Variants in NLRP12 observed in about 807,000 individuals in gnomAD.
NLRP12 encodes the protein NLR family pyrin domain containing 12, also known as NACHT, LRR and PYD domains-containing protein 12.
NLRP12 carries 108 observed loss-of-function variants against 91.2 expected under a neutral mutation model. That is an observed-to-expected ratio of 1.18 (90% confidence interval 1.01 to 1.39). The LOEUF is 1.39. NLRP12 is among the 40% of genes most tolerant of loss of function. NLRP12 has a pLI of 0.00. For synonymous variants in NLRP12, 613 were observed against 566.7 expected (o/e 1.08, Z -1.16); for missense variants, 1,530 against 1,352.7 (o/e 1.13, Z -2.06).
chr19:53,815,001 T>C lies in NLRP12; in HGVS notation c.290-13A>G, dbSNP rs1260567098. On this transcript the variant is annotated splice_polypyrimidine_tract_variant and intron_variant, in intron 1 of 9. Transcript: ENST00000324134. ...CCAGGTGGGGTATCTGGAAGAGAAATTGTGGAAGATGAGCTAGCACGCATC... is the reference window on the plus strand; with the variant it reads ...CCAGGTGGGGTATCTGGAAGAGAAACTGTGGAAGATGAGCTAGCACGCATC... 2.4e-5 allele frequency: 38 copies of C among 1,603,066 alleles called. No individual in the cohort carries two copies. Among genetic ancestry groups the C allele is most frequent in the Non-Finnish European group, 3.2e-5 (38 of 1,170,174 alleles).
intron 7 of NLRP12, among the ~76,000 whole-genome samples, chr19:53,799,255 C>T (rs1309067671): frequency 1.3e-5 from 2 of 151,992 alleles, no homozygotes; most frequent in African/African-American, 4.8e-5. Context: ...CGTGATCCAC[C>T]CGCCTCAGCC....
chr19:53,805,976 G>A (rs2091952460), intron 4 of NLRP12, among the ~76,000 whole-genome samples: 1 of 151,568 alleles, frequency 6.6e-6, no homozygotes, highest in Non-Finnish European at 1.5e-5. Context: ...GCTCAAGCCT[G>A]TAATCTCAGC....
intron 2 of NLRP12, among the ~76,000 whole-genome samples, chr19:53,814,238 C>T (rs1349166391): frequency 2.0e-5 from 3 of 152,170 alleles, no homozygotes; most frequent in African/African-American, 7.2e-5. Flanking sequence ...TCATGAGTAA[C>T]CTCGTTCCCC....
At chr19:53,794,219 C>T (rs1429187119) in intron 9 of NLRP12, 83 bp from the exon 10 acceptor site, 10 of 929,816 alleles carry the variant, frequency 1.1e-5, no homozygotes, top group East Asian at 2.4e-5. Flanking sequence ...TGTGCACTAC[C>T]GTGGTAAGAT....
At chr19:53,813,299 CTTTTTTT>C (rs1160039078) in intron 2 of NLRP12, among the ~76,000 whole-genome samples, 5,828 of 85,416 alleles carry the variant, frequency 0.068, 65 homozygotes, top group Middle Eastern at 0.17. Flanking sequence ...TTTTTCTTTT[CTTTTTTT>C]TTTTTTTTTT....
At position 53,811,246 on chromosome 19, in the gene NLRP12, C is replaced by T. The variant is rs534882841; in HGVS notation, c.413G>A (p.Arg138Gln). 1.9e-6 allele frequency: 3 copies of T among 1,614,006 alleles called. No homozygotes were observed. The highest frequency in any genetic ancestry group is 2.2e-5 in the South Asian group (2 of 91,078). ...GCGCGCATTGCGGTCTTCCATGAGC[C>T]GGAATTTCCTGCGGACATAGTCCCT... is the stretch of plus-strand genomic sequence containing the variant. ...TYRDYVRRKF[R>Q]LMEDRNARLG... Residue 138 changes from arginine (R) to glutamine (Q), a missense_variant, in exon 3 of 10, where the codon CGG (arginine) becomes CAG (glutamine). Arg to Gln is a conservative substitution (Grantham distance 43). Transcript: ENST00000324134.
At chr19:53,798,930 C>T (rs746226310) in intron 7 of NLRP12, among the ~76,000 whole-genome samples, 1 of 151,218 alleles carries the variant, frequency 6.6e-6, no homozygotes, top group African/African-American at 2.4e-5. Context: ...TTAGTACAAG[C>T]GGGGTTTCAC....
chr19:53,822,875 C>T (rs2092279835), intron 1 of NLRP12, among the ~76,000 whole-genome samples: 1 of 151,984 alleles, frequency 6.6e-6, no homozygotes, highest in East Asian at 1.9e-4. Flanking sequence ...TCAAGCGATT[C>T]TCCTGCCTCA....
intron 6 of NLRP12, among the ~76,000 whole-genome samples, chr19:53,803,475 C>T (rs745709513): frequency 1.3e-5 from 2 of 151,852 alleles, no homozygotes; most frequent in Non-Finnish European, 2.9e-5. Flanking sequence ...CTACCGCACC[C>T]GGCCCATCTC....
rs753983333 is a variant in NLRP12, at chr19:53,824,126, A to G, written c.49T>C (p.Leu17=). ...RDGLCRLSTY[L]EELEAVELKK... is the part of the protein sequence containing the mutation. ...AGTTCCACAGCCTCGAGTTCTTCCA[A>G]GTAGGTGGACAGGCGACAGAGGCCG... The change falls in exon 1 of 10, where the codon TTG becomes CTG. Residue 17 remains leucine, a synonymous_variant. Coordinates refer to ENST00000324134, the MANE Select transcript of NLRP12 (RefSeq NM_144687.4). The G allele has an allele frequency of 5.0e-6, 8 of 1,613,950 alleles. No homozygotes were observed. Among genetic ancestry groups the G allele is most frequent in the Non-Finnish European group, 6.8e-6 (8 of 1,179,986 alleles).
At chr19:53,794,947 T>C (rs55808107) in intron 9 of NLRP12, among the ~76,000 whole-genome samples, 1 of 151,948 alleles carries the variant, frequency 6.6e-6, no homozygotes, top group Non-Finnish European at 1.5e-5. Flanking sequence ...GTGATTTGCC[T>C]GCCTTGGCCT....
intron 7 of NLRP12, 58 bp from the exon 8 acceptor site, chr19:53,798,471 G>A (rs2091811315): frequency 3.9e-6 from 6 of 1,553,814 alleles, no homozygotes; most frequent in Admixed American, 1.9e-5. Context: ...AAATCTGCTG[G>A]GAGGGCCCTG....
At chr19:53,800,641 G>A (rs2091853485) in intron 7 of NLRP12, among the ~76,000 whole-genome samples, 1 of 151,540 alleles carries the variant, frequency 6.6e-6, no homozygotes, top group Non-Finnish European at 1.5e-5. Context: ...GGAGTGCAAT[G>A]GCTCCATCTC....
In NLRP12 at chr19:53,810,210, C is replaced by A. The variant is rs573972537; in HGVS notation, c.1449G>T (p.Lys483Asn). 6.2e-7 allele frequency: 1 copy of A among 1,614,204 alleles called. No individual in the cohort carries two copies. The highest frequency in any genetic ancestry group is 1.3e-5 in the African/African-American group (1 of 75,058). The change falls in exon 3 of 10, where the codon AAG becomes AAT. Residue 483 changes from lysine to asparagine, a missense_variant. By Grantham distance (94) the Lys-to-Asn change is moderately conservative (BLOSUM62 0). Transcript: ENST00000324134. ...AGACGTCTTCCCCGTCTAGGCCGTG[C>A]TTCCGGAGGTCCTGCTCCTCAAATA... Reference protein sequence around the residue: ...KILFEEQDLRKHGLDGEDVSA... With the variant: ...KILFEEQDLRNHGLDGEDVSA...
At chr19:53,813,308 T>C (rs1196547433) in intron 2 of NLRP12, among the ~76,000 whole-genome samples, 1 of 136,664 alleles carries the variant, frequency 7.3e-6, no homozygotes, top group Non-Finnish European at 1.6e-5. Context: ...TCTTTTTTTT[T>C]TTTTTTTTTT....
At position 53,819,410 on chromosome 19, in the gene NLRP12, AATATATATAT is replaced by A. The variant is rs754512228; in HGVS notation, c.290-4432_290-4423del. ...CAGGCGTGTGCCACTACGCCTGGCTAATATATATATATATATATATATATATATATATATA... is the reference window on the plus strand; with the variant it reads ...CAGGCGTGTGCCACTACGCCTGGCTAATATATATATATATATATATATATA... On this transcript the variant is annotated intron_variant, in intron 1 of 9. Transcript: ENST00000324134. 4.5e-3 allele frequency among the ~76,000 whole-genome samples: 106 copies of A among 23,658 alleles called. 9 individuals carry two copies. Among genetic ancestry groups the A allele is most frequent in the East Asian group, 7.1e-3 (5 of 700 alleles). 15.5% of individuals were successfully genotyped at this position (23,658 alleles called of 152,430 possible).
chr19:53,795,915 AC>A lies in NLRP12; in HGVS notation c.3041del (p.Gly1014ValfsTer9). 6.2e-7 allele frequency: 1 copy of A among 1,614,138 alleles called. No homozygotes were observed. On this transcript the variant is annotated frameshift_variant, in exon 9 of 10. Transcript: ENST00000324134. LOFTEE classifies it high-confidence loss of function. Reference protein sequence around the residue: ...YLTNNALGDTGVRLLCKRLSH... With the variant: ...YLTNNALGDTXVRLLCKRLSH... ...TCAGCCGCTTGCAAAGCAGTCGGAC[AC>A]CTGTGTCCCCTAGGGCGTTGTTGGT...
In NLRP12 at chr19:53,809,708, A is replaced by G. The variant is rs370478544; in HGVS notation, c.1951T>C (p.Ser651Pro). The G allele has an allele frequency of 5.1e-5, 83 of 1,613,968 alleles. No homozygotes were observed. The highest frequency in any genetic ancestry group is 6.8e-5 in the Non-Finnish European group (80 of 1,180,014). Residue 651 changes from serine to proline, a missense_variant, in exon 3 of 10, where the codon TCG becomes CCG. Ser to Pro is a moderately conservative substitution (Grantham distance 74). Transcript: ENST00000324134. ...CTCCTGCAGCGCTTCAGACAGAACG[A>G]GGAGACCATGTGCTCCATCTTGGAG... is the stretch of plus-strand genomic sequence containing the variant. Reference protein sequence around the residue: ...IASKMEHMVSSFCLKRCRSAQ... With the variant: ...IASKMEHMVSPFCLKRCRSAQ...
intron 2 of NLRP12, among the ~76,000 whole-genome samples, chr19:53,813,275 G>A (rs1000365466): frequency 2.9e-5 from 4 of 137,102 alleles, no homozygotes; most frequent in African/African-American, 1.1e-4. Flanking sequence ...CCTGGCAACT[G>A]CTATTCTTTT....
Sources: gnomAD v4.1 joint callset for allele counts (sites outside exome capture counted in the v4.1 genomes callset) on GRCh38, gnomAD v4.1.1 for gene constraint, MANE v1.5 for transcripts, NCBI Gene and HGNC (gene_info 2026-07-23, HGNC 2026-07-21) for gene names.